The following ZNF431 variants were observed in gnomAD, a reference collection of about 807,000 sequenced individuals.
ZNF431 encodes zinc finger protein 431.
ZNF431 carries 34 observed loss-of-function variants against 57.0 expected under a neutral mutation model. The ratio of observed to expected loss-of-function variants is 0.60; its 90% CI spans 0.45 to 0.79. ZNF431 has a LOEUF of 0.79. ZNF431 is among the 30% of genes least tolerant of loss of function. The pLI, the probability that ZNF431 is intolerant of heterozygous loss-of-function variation, is 0.00. For missense variants in ZNF431, 607 were observed against 667.1 expected (o/e 0.91, Z 0.99); for synonymous variants, 207 against 220.3 (o/e 0.94, Z 0.54).
intron 2 of ZNF431, among the ~76,000 whole-genome samples, chr19:21,161,846 G>A (rs765096276): frequency 7.2e-5 from 11 of 152,082 alleles, no homozygotes; most frequent in Non-Finnish European, 1.3e-4. Flanking sequence ...TAGAGAGAAG[G>A]TTTCTCCATG....
chr19:21,142,637 A>G (rs567550860), intron 1 of ZNF431, among the ~76,000 whole-genome samples: 3 of 152,364 alleles, frequency 2.0e-5, no homozygotes, highest in African/African-American at 4.8e-5. Flanking sequence ...GAGTGATTCA[A>G]AAATTGTGGA....
chr19:21,171,722 T>A (rs71339740), intron 4 of ZNF431, among the ~76,000 whole-genome samples: 13,703 of 136,742 alleles, frequency 0.1, 1,142 homozygotes, highest in Middle Eastern at 0.2. Flanking sequence ...ATTTTTTTTT[T>A]TTTTTTTTTT....
chr19:21,161,250 A>G (rs976485791), intron 2 of ZNF431, among the ~76,000 whole-genome samples: 4 of 152,132 alleles, frequency 2.6e-5, no homozygotes, highest in Admixed American at 1.3e-4. Context: ...AACTGGGTAC[A>G]TGGTTGAATT....
intron 4 of ZNF431, among the ~76,000 whole-genome samples, chr19:21,180,798 T>A (rs556700817): frequency 3.3e-5 from 5 of 152,116 alleles, no homozygotes; most frequent in African/African-American, 9.6e-5. Flanking sequence ...AATACAAAAA[T>A]TAGCTGGGCA....
At chr19:21,152,830 G>A (rs1970313266) in intron 2 of ZNF431, among the ~76,000 whole-genome samples, 2 of 152,220 alleles carry the variant, frequency 1.3e-5, no homozygotes, top group Non-Finnish European at 2.9e-5. Context: ...CTTAAGTATA[G>A]TCCCTTTGTG....
chr19:21,170,148 C>T (rs936538361), intron 4 of ZNF431, among the ~76,000 whole-genome samples: 2 of 152,172 alleles, frequency 1.3e-5, no homozygotes, highest in Non-Finnish European at 2.9e-5. Context: ...CAACTCCCTC[C>T]CTGCATCTCA....
chr19:21,176,790 C>T (rs867955195), intron 4 of ZNF431, among the ~76,000 whole-genome samples: 6 of 151,914 alleles, frequency 3.9e-5, no homozygotes, highest in African/African-American at 9.7e-5. Context: ...CTCCACTTCC[C>T]GGGTTCAAGC....
chr19:21,189,687 T>G lies in ZNF431; in HGVS notation c.*5653T>G, dbSNP rs1051398724. On this transcript the variant is annotated 3_prime_UTR_variant, in exon 5 of 5. Coordinates refer to ENST00000311048, the MANE Select transcript of ZNF431 (RefSeq NM_133473.4). ...CAGCCTTCCATTTCTTATAAATAAC[T>G]TGCATCTGATGGTCACCATTTTACT... is the stretch of plus-strand genomic sequence containing the variant. 4 of 386,288 alleles carry G rather than the reference T, an allele frequency of 1.0e-5. No individual in the cohort carries two copies. The highest frequency in any genetic ancestry group is 8.3e-5 in the African/African-American group (4 of 48,332). 23.9% of individuals were successfully genotyped at this position (386,288 alleles called of 1,614,324 possible).
chr19:21,154,578 C>G (rs1970366823), intron 2 of ZNF431, among the ~76,000 whole-genome samples: 1 of 152,092 alleles, frequency 6.6e-6, no homozygotes, highest in Admixed American at 6.6e-5. Context: ...AGTTCTAGAT[C>G]CCTGAGGAAT....
chr19:21,179,628 C>T (rs978987227), intron 4 of ZNF431, among the ~76,000 whole-genome samples: 40 of 147,128 alleles, frequency 2.7e-4, no homozygotes, highest in Non-Finnish European at 4.3e-4. Flanking sequence ...GGTGTGATCT[C>T]GGCTCACTGC....
rs150578110 is a variant in ZNF431, at chr19:21,172,245, A to G, written c.319+4579A>G. ...GGAGCTCCAGACCAGCCTGGCCAAT[A>G]TGGTGAAACCCTGTCTCTACTAAAA... is the stretch of plus-strand genomic sequence containing the variant. On this transcript the variant is annotated intron_variant, in intron 4 of 4. Coordinates refer to ENST00000311048, the MANE Select transcript of ZNF431 (RefSeq NM_133473.4). Among the ~76,000 whole-genome samples the G allele has an allele frequency of 6.9e-3, 1,048 of 151,458 alleles. 9 individuals carry two copies. The highest frequency in any genetic ancestry group is 0.024 in the African/African-American group (1,006 of 41,322).
intron 4 of ZNF431, among the ~76,000 whole-genome samples, chr19:21,172,634 C>T (rs1000511353): frequency 4.6e-5 from 7 of 151,934 alleles, no homozygotes; most frequent in African/African-American, 1.7e-4. Context: ...GATTTCCTCT[C>T]TATAAAAATT....
intron 4 of ZNF431, among the ~76,000 whole-genome samples, chr19:21,178,210 AGCTTTTGG>A (rs1007273764): frequency 1.9e-4 from 29 of 152,186 alleles, no homozygotes; most frequent in African/African-American, 6.3e-4. Flanking sequence ...TAGATGAAGA[AGCTTTTGG>A]GCTGAGACAA....
intron 2 of ZNF431, among the ~76,000 whole-genome samples, chr19:21,153,443 C>T (rs1051900426): frequency 9.2e-5 from 14 of 152,188 alleles, no homozygotes; most frequent in Non-Finnish European, 1.9e-4. Flanking sequence ...AAGAGAGCAC[C>T]ATCTAAGTCA....
rs181767888 is a variant in ZNF431, at chr19:21,186,747, C to G, written c.*2713C>G. On this transcript the variant is annotated 3_prime_UTR_variant, in exon 5 of 5. Transcript: ENST00000311048. ...AGTATTCATTATGTGAGCTGGTCTG[C>G]GATTATAAGAATTTTTATGAAATTT... is the stretch of plus-strand genomic sequence containing the variant. 1 of 151,840 alleles carries G rather than the reference C, an allele frequency of 6.6e-6. No homozygotes were observed. The highest frequency in any genetic ancestry group is 2.1e-4 in the South Asian group (1 of 4,808). 9.4% of individuals were successfully genotyped at this position (151,840 alleles called of 1,614,324 possible).
Position 21,166,355 on chromosome 19 carries a change from T to G in ZNF431, c.117T>G (p.Asp39Glu). ...TTCAGGAGACATTGACATTTAGGGA[T>G]GTGGCCATAGAATTCTCTCTGGAGG... Reference protein sequence around the residue: ...YFEKETLTFRDVAIEFSLEEW... With the variant: ...YFEKETLTFREVAIEFSLEEW... Residue 39 changes from aspartate to glutamate, a missense_variant, in exon 3 of 5, where the codon GAT becomes GAG. Coordinates refer to ENST00000311048, the MANE Select transcript of ZNF431 (RefSeq NM_133473.4). 6.2e-7 allele frequency: 1 copy of G among 1,613,488 alleles called. No homozygotes were observed.
chr19:21,160,235 A>G (rs967649850), intron 2 of ZNF431, among the ~76,000 whole-genome samples: 3 of 152,152 alleles, frequency 2.0e-5, no homozygotes, highest in Admixed American at 2.0e-4. Flanking sequence ...CAACATAGAC[A>G]TCTGAAACCC....
chr19:21,165,294 C>A (rs1309746714), intron 2 of ZNF431, among the ~76,000 whole-genome samples: 1 of 151,968 alleles, frequency 6.6e-6, no homozygotes, highest in East Asian at 1.9e-4. Flanking sequence ...AGATGGAGAA[C>A]ATATAATGTT....
chr19:21,160,676 G>A (rs1970544873), intron 2 of ZNF431, among the ~76,000 whole-genome samples: 1 of 152,136 alleles, frequency 6.6e-6, no homozygotes, highest in Non-Finnish European at 1.5e-5. Context: ...ACTGTGTCAG[G>A]CTGACAAGAG....
Sources: gnomAD v4.1 joint callset for allele counts (sites outside exome capture counted in the v4.1 genomes callset) on GRCh38, gnomAD v4.1.1 for gene constraint, MANE v1.5 for transcripts, NCBI Gene and HGNC (gene_info 2026-07-23, HGNC 2026-07-21) for gene names.